Variants in CEP72 observed in about 807,000 individuals in gnomAD.
The protein encoded by CEP72 is centrosomal protein of 72 kDa.
Under a neutral mutation model 65.7 loss-of-function variants are expected in CEP72, and 78 were observed. The ratio of observed to expected loss-of-function variants is 1.19; its 90% CI spans 0.99 to 1.43. The LOEUF (loss-of-function observed/expected upper bound fraction) is 1.43. Among genes scored for constraint, CEP72 ranks in the 40% most tolerant of loss-of-function variants. The pLI is 0.00. For synonymous variants in CEP72, 358 were observed against 351.7 expected (o/e 1.02, Z -0.20); for missense variants, 914 against 832.9 (o/e 1.10, Z -1.20).
At chr5:653,998 CTG>C (rs960727548), downstream of CEP72, among the ~76,000 whole-genome samples, 22 of 142,546 alleles carry the variant, frequency 1.5e-4, 1 homozygote, top group African/African-American at 5.5e-4. Context: ...TGTGCCCTTG[CTG>C]TGTGTGTGTG....
chr5:636,793 G>C (rs1438957829), intron 6 of CEP72, among the ~76,000 whole-genome samples: 2 of 142,710 alleles, frequency 1.4e-5, no homozygotes, highest in Non-Finnish European at 3.0e-5. Flanking sequence ...CTGGGCAATA[G>C]AGCAAGACTC....
chr5:622,380 A>G (rs1736449747), intron 3 of CEP72, among the ~76,000 whole-genome samples: 1 of 152,216 alleles, frequency 6.6e-6, no homozygotes, highest in African/African-American at 2.4e-5. Flanking sequence ...TCCCCTGGGC[A>G]CTGGGGGCTG....
At position 624,346 on chromosome 5, in the gene CEP72, C is replaced by T. The variant is rs1056302476; in HGVS notation, c.404-125C>T. The T allele has an allele frequency of 3.0e-6, 2 of 661,326 alleles. No homozygotes were observed. The highest frequency in any genetic ancestry group is 1.8e-5 in the African/African-American group (1 of 55,776). The allele number at this position is 661,326 out of a possible 1,614,324, so 41.0% of individuals were successfully genotyped here. A position where few individuals can be genotyped will look rare whatever the true frequency, so the allele number is the denominator to read the frequency against. On this transcript the variant is annotated intron_variant, in intron 3 of 11. Coordinates refer to ENST00000264935, the MANE Select transcript of CEP72 (RefSeq NM_018140.4). This position sits in a 1 kb window ranked among gnomAD's most constrained non-coding sequence, Gnocchi z 4.7. ...ACCACCAGAGCCCAGCATTCCGGTG[C>T]TAGGTTAGTGGGAGCAGGGCTGGCC... is the stretch of plus-strand genomic sequence containing the variant.
rs372721985 is a variant in CEP72 at position 637,163 on chromosome 5, C to T, written c.905-354C>T. Among the ~76,000 whole-genome samples, 9 of 152,304 alleles carry T rather than the reference C, an allele frequency of 5.9e-5. No homozygotes were observed. In the East Asian group the frequency reaches 9.7e-4, roughly 16 times the overall value. The stretch of plus-strand genomic sequence containing the variant: ...CTTCAGAGATGGGCGTGTGCTTAGA[C>T]GTTGTTTGGAACGCGTTGTTGAAGC... On this transcript the variant is annotated intron_variant, in intron 6 of 11. Coordinates refer to ENST00000264935, the MANE Select transcript of CEP72 (RefSeq NM_018140.4).
chr5:639,661 G>A (rs923706078), intron 8 of CEP72, among the ~76,000 whole-genome samples: 9 of 152,230 alleles, frequency 5.9e-5, no homozygotes, highest in African/African-American at 2.2e-4. Flanking sequence ...TCCCTCCCCA[G>A]AGAGGACTTG....
rs1737996977 is a variant in CEP72 at position 641,211 on chromosome 5, G to A, written c.1539+607G>A. ...CCACCGTCTCATCTGAGGCCTCACG[G>A]GACAGGATCCTCCCAGGCTCCCTCC... On this transcript the variant is annotated intron_variant, in intron 9 of 11. Transcript: ENST00000264935. 3.0e-6 allele frequency: 3 copies of A among 985,228 alleles called. No individual in the cohort carries two copies. The South Asian group carries it at 1.4e-4, about 46-fold the overall frequency. 61.0% of individuals were successfully genotyped at this position (985,228 alleles called of 1,614,324 possible).
At chr5:641,550 C>A in intron 9 of CEP72, 1 of 985,466 alleles carries the variant, frequency 1.0e-6, no homozygotes, top group Non-Finnish European at 1.2e-6. Flanking sequence ...ACAACACAGG[C>A]AGCCTCTGTT....
chr5:621,928 T>G, intron 3 of CEP72, among the ~76,000 whole-genome samples: 1 of 152,364 alleles, frequency 6.6e-6, no homozygotes. Context: ...TGCGTGCCAC[T>G]GTGCCCTGCT....
At chr5:628,900 G>T (rs1228641644) in intron 4 of CEP72, among the ~76,000 whole-genome samples, 44 of 117,348 alleles carry the variant, frequency 3.7e-4, no homozygotes, top group Non-Finnish European at 5.3e-4. Flanking sequence ...TCCCTGGGGA[G>T]TGGCCCCAGG....
chr5:644,067 CTCCT>C (rs966563129), intron 9 of CEP72: 2 of 502,774 alleles, frequency 4.0e-6, no homozygotes, highest in African/African-American at 1.9e-5. Flanking sequence ...GACTGGGGCG[CTCCT>C]TTCCATCCCT....
rs779787160 is a variant in CEP72 at position 623,002 on chromosome 5, C to T, written c.404-1469C>T. Among the ~76,000 whole-genome samples the T allele has an allele frequency of 5.9e-5, 9 of 152,272 alleles. No homozygotes were observed. Among genetic ancestry groups the T allele is most frequent in the Admixed American group, 2.6e-4 (4 of 15,304 alleles). ...TAGATTCAGAATCTTAGTGTTTCTG[C>T]AGAGAAGGAGCGCAGCCGTCTCCCC... On this transcript the variant is annotated intron_variant, in intron 3 of 11. Coordinates refer to ENST00000264935, the MANE Select transcript of CEP72 (RefSeq NM_018140.4). This position sits in a 1 kb window ranked among gnomAD's most constrained non-coding sequence, Gnocchi z 5.3.
At chr5:655,053 A>G (rs1372361319), downstream of CEP72, among the ~76,000 whole-genome samples, 2 of 152,216 alleles carry the variant, frequency 1.3e-5, no homozygotes, top group African/African-American at 4.8e-5. The surrounding 1 kb of genome is among the most constrained non-coding windows in gnomAD (Gnocchi z 5.0). Flanking sequence ...GAAATTAGGT[A>G]TATTTTTGTT....
In CEP72 at chr5:620,131, G is replaced by A; in HGVS notation, c.273G>A (p.Leu91=). The A allele has an allele frequency of 6.2e-7, 1 of 1,614,172 alleles. No homozygotes were observed. The highest frequency in any genetic ancestry group is 8.5e-7 in the Non-Finnish European group (1 of 1,180,010). Reference sequence around the variant, plus strand: ...TCTACTACAACTGCATCTCCTCGTTGGCAGAAGTGTTTCGGCTCCACGCCT... The same window carrying A: ...TCTACTACAACTGCATCTCCTCGTTAGCAGAAGTGTTTCGGCTCCACGCCT... ...LNLYYNCISS[L]AEVFRLHALT... is the part of the protein sequence containing the mutation. The change falls in exon 3 of 12, where the codon TTG becomes TTA. Residue 91 remains leucine, a synonymous_variant. Transcript: ENST00000264935.
the CEP72 span, among the ~76,000 whole-genome samples, chr5:675,338 GC>G: frequency 9.9e-6 from 1 of 100,636 alleles, no homozygotes; most frequent in Non-Finnish European, 2.0e-5. Context: ...GTGCAGTGTG[GC>G]TGGGGGTGCA....
Position 647,844 on chromosome 5 carries a change from T to C in CEP72, c.1706T>C (p.Val569Ala), listed in dbSNP as rs1738522747. 2 of 1,612,600 alleles carry C rather than the reference T, an allele frequency of 1.2e-6. No homozygotes were observed. The highest frequency in any genetic ancestry group is 1.7e-5 in the Admixed American group (1 of 59,992). The change falls in exon 11 of 12, where the codon GTG (valine) becomes GCG (alanine). Residue 569 changes from valine (V) to alanine (A), a missense_variant. Coordinates refer to ENST00000264935, the MANE Select transcript of CEP72 (RefSeq NM_018140.4). Reference protein sequence around the residue: ...TSVKRLCGEIVELKQHLEHYD... With the variant: ...TSVKRLCGEIAELKQHLEHYD... Reference sequence around the variant, plus strand: ...GTGAAGAGGCTGTGTGGCGAGATTGTGGAACTGAAGCAGCACCTGGAGCAC... The same window carrying C: ...GTGAAGAGGCTGTGTGGCGAGATTGCGGAACTGAAGCAGCACCTGGAGCAC...
At chr5:672,447 G>C in the CEP72 span, among the ~76,000 whole-genome samples, 36 of 152,384 alleles carry the variant, frequency 2.4e-4, no homozygotes, top group African/African-American at 8.7e-4. Flanking sequence ...CGTGGGTCCT[G>C]GGGGAGGCCA....
intron 4 of CEP72, among the ~76,000 whole-genome samples, chr5:627,271 T>C (rs1274642806): frequency 6.6e-6 from 1 of 152,248 alleles, no homozygotes; most frequent in Non-Finnish European, 1.5e-5. Context: ...TAGATAGATG[T>C]TCATCACATT....
chr5:664,076 G>C (rs886657185), intron 2 of CEP72: 2 of 151,910 alleles, frequency 1.3e-5, no homozygotes, highest in African/African-American at 4.8e-5. Context: ...CCTCCCTAGT[G>C]TCCTGCTCTC....
In CEP72 at chr5:653,480, A is replaced by T. The variant is rs745590069; in HGVS notation, c.*327A>T. On this transcript the variant is annotated 3_prime_UTR_variant, in exon 12 of 12. Transcript: ENST00000264935. ...TGCCTGATGTGAAAGAGAGCTATGT[A>T]TGATAATTAAAGAAAATAATTTTCT... 11 of 197,716 alleles carry T rather than the reference A, an allele frequency of 5.6e-5. No homozygotes were observed. Among genetic ancestry groups the T allele is most frequent in the Non-Finnish European group, 9.1e-5 (9 of 98,480 alleles). 12.2% of individuals were successfully genotyped at this position (197,716 alleles called of 1,614,324 possible).
Sources: gnomAD v4.1 joint callset for allele counts (sites outside exome capture counted in the v4.1 genomes callset) on GRCh38, gnomAD v4.1.1 for gene constraint, Gnocchi (gnomAD v3.1) non-coding constraint, MANE v1.5 for transcripts, NCBI Gene and HGNC (gene_info 2026-07-23, HGNC 2026-07-21) for gene names.